Variants in IGSF10 observed in about 807,000 individuals in gnomAD.
IGSF10 encodes the protein immunoglobulin superfamily member 10.
A neutral mutation model predicts 128.2 loss-of-function variants in IGSF10; 126 were observed. The observed-to-expected ratio is 0.98, with a 90% CI of 0.85 to 1.14. IGSF10 has a LOEUF of 1.14. Ranked by LOEUF, IGSF10 falls within the 50% of genes most tolerant of loss-of-function variation. The pLI is 0.00. For missense variants in IGSF10, 3,295 were observed against 3,149.8 expected (o/e 1.05, Z -1.10); for synonymous variants, 1,185 against 1,146.2 (o/e 1.03, Z -0.68).
the IGSF10 span, among the ~76,000 whole-genome samples, chr3:151,569,937 A>G: frequency 6.7e-6 from 1 of 150,354 alleles, no homozygotes; most frequent in Non-Finnish European, 1.5e-5. Context: ...CCTGTGTCCA[A>G]GTGTTCTCAT....
chr3:151,487,421 A>T, the IGSF10 span, among the ~76,000 whole-genome samples: 3 of 152,206 alleles, frequency 2.0e-5, no homozygotes, highest in Admixed American at 6.5e-5. Flanking sequence ...AGCTGGTACC[A>T]TTCCTTCTGC....
chr3:151,519,425 G>T, the IGSF10 span, among the ~76,000 whole-genome samples: 1 of 151,726 alleles, frequency 6.6e-6, no homozygotes, highest in Non-Finnish European at 1.5e-5. Context: ...GTGTTAGGCC[G>T]CATTAGAATA....
At chr3:151,532,759 C>T in the IGSF10 span, among the ~76,000 whole-genome samples, 129 of 152,194 alleles carry the variant, frequency 8.5e-4, no homozygotes, top group Admixed American at 2.8e-3. Flanking sequence ...CTTTGAAAAC[C>T]GGCACAAGGC....
chr3:151,453,581 A>C lies in IGSF10; in HGVS notation c.518T>G (p.Phe173Cys), dbSNP rs1334734559. 2 of 1,613,736 alleles carry C rather than the reference A, an allele frequency of 1.2e-6. No homozygotes were observed. The highest frequency in any genetic ancestry group is 1.7e-6 in the Non-Finnish European group (2 of 1,179,770). The part of the protein sequence containing the change: ...NQLTKLHPDT[F>C]VSLSYLQIFK... ...TATCTGGAGGTAGCTCAAAGAGACA[A>C]ATGTATCTGGGTGGAGCTTAGTGAG... Residue 173 changes from phenylalanine to cysteine, a missense_variant, in exon 5 of 8, where the codon TTT (phenylalanine) becomes TGT (cysteine). Physicochemically the swap from Phe to Cys is radical, Grantham distance 205 (BLOSUM62 -2). Transcript: ENST00000282466.
rs866870489 is a variant in IGSF10 at position 151,443,137 on chromosome 3, C to T, written c.5810G>A (p.Arg1937Gln). 7.4e-6 allele frequency: 12 copies of T among 1,614,114 alleles called. No homozygotes were observed. In the African/African-American group the frequency reaches 1.2e-4, roughly 16 times the overall value. Residue 1937 changes from arginine (R) to glutamine (Q), a missense_variant, in exon 7 of 8, where the codon CGA (arginine) becomes CAA (glutamine). Coordinates refer to ENST00000282466, the MANE Select transcript of IGSF10 (RefSeq NM_178822.5). Reference sequence around the variant, plus strand: ...AGCTTCTATCCTGGGGCTGGTCACTCGCTCTTCCATTGTAAGCATTACTAC... The same window carrying T: ...AGCTTCTATCCTGGGGCTGGTCACTTGCTCTTCCATTGTAAGCATTACTAC... The part of the protein sequence containing the change: ...RRVVMLTMEE[R>Q]VTSPRIEAAS...
the IGSF10 span, among the ~76,000 whole-genome samples, chr3:151,619,223 AT>A: frequency 1.7e-4 from 26 of 152,134 alleles, no homozygotes; most frequent in Non-Finnish European, 1.6e-4. Flanking sequence ...ACACTAGCTT[AT>A]TTTTATTATT....
chr3:151,616,241 A>G, the IGSF10 span, among the ~76,000 whole-genome samples: 1 of 152,230 alleles, frequency 6.6e-6, no homozygotes, highest in East Asian at 1.9e-4. Flanking sequence ...GCCTGGGATT[A>G]CAGGCATGAG....
At chr3:151,477,629 A>G in the IGSF10 span, among the ~76,000 whole-genome samples, 2 of 152,258 alleles carry the variant, frequency 1.3e-5, no homozygotes, top group African/African-American at 4.8e-5. Context: ...TCCAGTAAAA[A>G]GGATTCCAAA....
At chr3:151,612,045 G>T in the IGSF10 span, among the ~76,000 whole-genome samples, 19 of 152,202 alleles carry the variant, frequency 1.2e-4, no homozygotes, top group Middle Eastern at 3.4e-3. Flanking sequence ...TGGATAATAG[G>T]ACTATTTCCT....
the IGSF10 span, among the ~76,000 whole-genome samples, chr3:151,596,084 T>A: frequency 2.0e-5 from 3 of 152,212 alleles, no homozygotes; most frequent in East Asian, 5.8e-4. Flanking sequence ...CTTAAATATA[T>A]GTAATTTTTG....
the IGSF10 span, among the ~76,000 whole-genome samples, chr3:151,570,203 A>G: frequency 2.0e-5 from 3 of 152,212 alleles, no homozygotes; most frequent in African/African-American, 7.2e-5. Context: ...ATTTGTGTGC[A>G]TGTGTCTTCA....
the IGSF10 span, among the ~76,000 whole-genome samples, chr3:151,557,766 G>A: frequency 6.6e-6 from 1 of 151,088 alleles, no homozygotes; most frequent in Non-Finnish European, 1.5e-5. Flanking sequence ...GCAAATAGTG[G>A]CACTCTCCTA....
the IGSF10 span, among the ~76,000 whole-genome samples, chr3:151,487,913 C>T: frequency 6.6e-6 from 1 of 152,248 alleles, no homozygotes; most frequent in South Asian, 2.1e-4. Flanking sequence ...CCTTTGAAAA[C>T]CAGCAAAAGA....
At chr3:151,493,979 G>A in the IGSF10 span, among the ~76,000 whole-genome samples, 1 of 152,066 alleles carries the variant, frequency 6.6e-6, no homozygotes, top group East Asian at 1.9e-4. Context: ...GACTAAAACA[G>A]TAGAACTCAA....
the IGSF10 span, among the ~76,000 whole-genome samples, chr3:151,564,697 G>T: frequency 6.6e-6 from 1 of 152,096 alleles, no homozygotes; most frequent in Non-Finnish European, 1.5e-5. Flanking sequence ...GTTGAATGAG[G>T]TATGCATGTC....
the IGSF10 span, among the ~76,000 whole-genome samples, chr3:151,527,788 A>AT: frequency 0.29 from 42,632 of 148,108 alleles, 6,614 homozygotes; most frequent in Middle Eastern, 0.37. Flanking sequence ...TGTCTCTACA[A>AT]TTTTTTTTTT....
chr3:151,546,176 C>A, the IGSF10 span, among the ~76,000 whole-genome samples: 2 of 151,910 alleles, frequency 1.3e-5, no homozygotes, highest in Non-Finnish European at 2.9e-5. Context: ...CACTCTGGAC[C>A]ATTAAGCAAA....
chr3:151,472,848 G>A, the IGSF10 span, among the ~76,000 whole-genome samples: 6 of 152,166 alleles, frequency 3.9e-5, no homozygotes, highest in African/African-American at 1.4e-4. Context: ...AACAATATCA[G>A]AGGAAGACTA....
At chr3:151,501,606 GT>G in the IGSF10 span, among the ~76,000 whole-genome samples, 3 of 152,042 alleles carry the variant, frequency 2.0e-5, no homozygotes, top group Non-Finnish European at 4.4e-5. Flanking sequence ...AGGCTCCTTA[GT>G]TTGAGAAATG....
Sources: gnomAD v4.1 joint callset for allele counts (sites outside exome capture counted in the v4.1 genomes callset) on GRCh38, gnomAD v4.1.1 for gene constraint, MANE v1.5 for transcripts, NCBI Gene and HGNC (gene_info 2026-07-23, HGNC 2026-07-21) for gene names.